TM4SF20: variants seen among roughly 807,000 people sequenced by gnomAD.
The protein encoded by TM4SF20 is transmembrane 4 L6 family member 20.
A neutral mutation model predicts 15.1 loss-of-function variants in TM4SF20; 13 were observed. The observed-to-expected ratio is 0.86, with a 90% CI of 0.56 to 1.36. The LOEUF (loss-of-function observed/expected upper bound fraction) is 1.36, where lower values mean the gene tolerates loss of function less well. Ranked by LOEUF, TM4SF20 falls within the 40% of genes most tolerant of loss-of-function variation. The pLI is 0.00. For synonymous variants in TM4SF20, 92 were observed against 96.6 expected (o/e 0.95, Z 0.28); for missense variants, 282 against 268.4 (o/e 1.05, Z -0.35).
chr2:227,366,716 CAAAAAA>C (rs59401554), intron 2 of TM4SF20, among the ~76,000 whole-genome samples: 8 of 68,218 alleles, frequency 1.2e-4, no homozygotes, highest in East Asian at 1.2e-3. Context: ...AAGACTCTGT[CAAAAAA>C]AAAAAAAAAA....
Position 227,363,949 on chromosome 2 carries a change from A to G in TM4SF20, c.465T>C (p.Thr155=), listed in dbSNP as rs1292885892. ...CGTTACTGGTGGGTTTATTGAAACCAGTAGGAGGTGCACAAGAGTCATTGA... is the reference window on the plus strand; with the variant it reads ...CGTTACTGGTGGGTTTATTGAAACCGGTAGGAGGTGCACAAGAGTCATTGA... The part of the protein sequence containing the change: ...WFFNDSCAPP[T]GFNKPTSNDT... Residue 155 remains threonine (T), a synonymous_variant, in exon 4 of 4, where the codon ACT becomes ACC. Transcript: ENST00000304568. 6.2e-7 allele frequency: 1 copy of G among 1,614,078 alleles called. No homozygotes were observed. The highest frequency in any genetic ancestry group is 8.5e-7 in the Non-Finnish European group (1 of 1,180,034).
intron 2 of TM4SF20, among the ~76,000 whole-genome samples, chr2:227,370,410 G>C (rs2076414815): frequency 6.6e-6 from 1 of 152,118 alleles, no homozygotes; most frequent in Non-Finnish European, 1.5e-5. Context: ...CTAAATGTTT[G>C]TGGGACAAAA....
At chr2:227,378,312 C>T (rs10171040) in intron 1 of TM4SF20, among the ~76,000 whole-genome samples, 12,224 of 152,170 alleles carry the variant, frequency 0.08, 724 homozygotes, top group African/African-American at 0.16. Context: ...ATTTGAAAGC[C>T]GTTTTCCCTA....
chr2:227,370,762 T>A (rs2076416808), intron 2 of TM4SF20, among the ~76,000 whole-genome samples, 153 bp downstream of exon 2: 2 of 152,020 alleles, frequency 1.3e-5, no homozygotes, highest in South Asian at 4.2e-4. Context: ...TGTCTCTAAA[T>A]AAATAAATAA....
intron 2 of TM4SF20, among the ~76,000 whole-genome samples, chr2:227,367,014 A>G (rs2076396634): frequency 6.6e-6 from 1 of 152,138 alleles, no homozygotes; most frequent in Admixed American, 6.5e-5. Flanking sequence ...TGATCAGTCA[A>G]CAGCATAGAG....
rs775143376 is a variant in TM4SF20, at chr2:227,366,256, A to G, written c.250-12T>C. ...GATGAAAGAAACATCTGAAAAATAA[A>G]ATAGAGCCATTTGCACATGTTATGA... On this transcript the variant is annotated splice_polypyrimidine_tract_variant and intron_variant, in intron 2 of 3. Coordinates refer to ENST00000304568, the MANE Select transcript of TM4SF20 (RefSeq NM_024795.4). 1 of 1,609,086 alleles carries G rather than the reference A, an allele frequency of 6.2e-7. No individual in the cohort carries two copies. The highest frequency in any genetic ancestry group is 8.5e-7 in the Non-Finnish European group (1 of 1,178,316).
At chr2:227,376,867 T>C (rs2076453183) in intron 1 of TM4SF20, among the ~76,000 whole-genome samples, 1 of 152,236 alleles carries the variant, frequency 6.6e-6, no homozygotes, top group Non-Finnish European at 1.5e-5. Flanking sequence ...TAACTTTCTA[T>C]CTGCTGGCCT....
chr2:227,366,388 T>C (rs1334110604), intron 2 of TM4SF20, 144 bp from the exon 3 acceptor site: 1 of 663,860 alleles, frequency 1.5e-6, no homozygotes, highest in Non-Finnish European at 2.5e-6. Flanking sequence ...GTGTGAATGA[T>C]ACAAAAAGGC....
chr2:227,368,335 T>TTATATATATATATA (rs61382561), intron 2 of TM4SF20, among the ~76,000 whole-genome samples: 23 of 122,726 alleles, frequency 1.9e-4, no homozygotes, highest in African/African-American at 6.9e-4. Context: ...CATCTATTAT[T>TTATATATATATATA]TATATATATA....
Position 227,363,743 on chromosome 2 carries a change from C to T in TM4SF20, c.671G>A (p.Arg224Gln), listed in dbSNP as rs2076375230. 1 of 1,613,158 alleles carries T rather than the reference C, an allele frequency of 6.2e-7. No individual in the cohort carries two copies. The highest frequency in any genetic ancestry group is 1.3e-5 in the African/African-American group (1 of 74,914). The change falls in exon 4 of 4, where the codon CGA (arginine) becomes CAA (glutamine). Residue 224 changes from arginine to glutamine, a missense_variant. Transcript: ENST00000304568. ...FLGCLCGVSK[R>Q]RSQIV ...ATTAAACTACACAATTTGACTTCTT[C>T]GCTTAGAGACTCCACACAGACAGCC...
intron 2 of TM4SF20, among the ~76,000 whole-genome samples, chr2:227,367,052 C>G (rs538129154): frequency 1.3e-5 from 2 of 152,280 alleles, no homozygotes; most frequent in African/African-American, 2.4e-5. Flanking sequence ...AACCTCAGCA[C>G]CAATGACATT....
chr2:227,364,172 T>C (rs1328437702), intron 3 of TM4SF20, among the ~76,000 whole-genome samples, 160 bp from the exon 4 acceptor site: 1 of 152,204 alleles, frequency 6.6e-6, no homozygotes, highest in Non-Finnish European at 1.5e-5. Context: ...CCATATACTC[T>C]ACTAGTTACA....
chr2:227,370,766 T>C, intron 2 of TM4SF20, 149 bp downstream of exon 2: 1 of 687,776 alleles, frequency 1.5e-6, no homozygotes, highest in Non-Finnish European at 2.6e-6. Context: ...TCTAAATAAA[T>C]AAATAAAAAT....
At chr2:227,373,543 C>T (rs2076431301) in intron 1 of TM4SF20, among the ~76,000 whole-genome samples, 1 of 152,166 alleles carries the variant, frequency 6.6e-6, no homozygotes, top group African/African-American at 2.4e-5. Flanking sequence ...CCCACCACCT[C>T]TTTCTTGTAA....
chr2:227,367,471 C>T (rs373600057), intron 2 of TM4SF20, among the ~76,000 whole-genome samples: 5 of 151,444 alleles, frequency 3.3e-5, no homozygotes, highest in African/African-American at 2.4e-5. Context: ...CCCAGGAGTT[C>T]GAGACTAGCC....
chr2:227,366,305 T>C, intron 2 of TM4SF20, 61 bp from the exon 3 acceptor site: 1 of 1,466,980 alleles, frequency 6.8e-7, no homozygotes. Context: ...TGTTTCAAGC[T>C]TCAGGAGCGT....
chr2:227,365,101 C>T (rs1438488901), intron 3 of TM4SF20, among the ~76,000 whole-genome samples: 3 of 152,152 alleles, frequency 2.0e-5, no homozygotes, highest in Non-Finnish European at 4.4e-5. Flanking sequence ...AGTAGTGATG[C>T]AGTTTCACCA....
upstream of TM4SF20, among the ~76,000 whole-genome samples, chr2:227,380,309 G>A (rs1034407879): frequency 6.6e-5 from 10 of 152,164 alleles, no homozygotes; most frequent in South Asian, 2.1e-4. Context: ...CAGCCTGGGC[G>A]ACAGAGGGAG....
intron 2 of TM4SF20, among the ~76,000 whole-genome samples, chr2:227,366,840 T>C (rs2076396066): frequency 6.6e-6 from 1 of 151,362 alleles, no homozygotes; most frequent in South Asian, 2.1e-4. Context: ...CACTGAGATC[T>C]AGTTCCTCCC....
Sources: allele counts gnomAD v4.1 joint callset (sites outside exome capture counted in the v4.1 genomes callset), GRCh38; gene constraint gnomAD v4.1.1; transcripts MANE v1.5; gene names NCBI Gene and HGNC (gene_info 2026-07-23, HGNC 2026-07-21).